MARCHF3: variants seen among roughly 807,000 people sequenced by gnomAD.
MARCHF3 encodes E3 ubiquitin-protein ligase MARCHF3.
MARCHF3 carries 13 observed loss-of-function variants against 24.2 expected under a neutral mutation model. The ratio of observed to expected loss-of-function variants is 0.54; its 90% CI spans 0.35 to 0.85. The LOEUF (loss-of-function observed/expected upper bound fraction) is 0.85. MARCHF3 is among the 40% of genes least tolerant of loss of function. MARCHF3 has a pLI of 0.01. For missense variants in MARCHF3, 276 were observed against 325.0 expected (o/e 0.85, Z 1.16); for synonymous variants, 144 against 137.3 (o/e 1.05, Z -0.34).
At chr5:127,023,730 CAAAAAATA>C (rs1335470195) in intron 1 of MARCHF3, among the ~76,000 whole-genome samples, 6 of 120,786 alleles carry the variant, frequency 5.0e-5, no homozygotes, top group East Asian at 5.2e-4. Context: ...GATTCTGTCT[CAAAAAATA>C]AATAAATAAA....
At chr5:126,973,724 T>C (rs922045298) in intron 1 of MARCHF3, among the ~76,000 whole-genome samples, 2 of 152,244 alleles carry the variant, frequency 1.3e-5, no homozygotes, top group African/African-American at 4.8e-5. Context: ...GTTATCCGTA[T>C]TAGTAAGAAC....
intron 4 of MARCHF3, among the ~76,000 whole-genome samples, chr5:126,876,292 C>T (rs1472710788): frequency 6.6e-6 from 1 of 152,252 alleles, no homozygotes; most frequent in Non-Finnish European, 1.5e-5. Context: ...AAGCTCACTT[C>T]ATCCATCCTT....
At chr5:126,951,651 T>C (rs1400351252) in intron 1 of MARCHF3, among the ~76,000 whole-genome samples, 1 of 152,210 alleles carries the variant, frequency 6.6e-6, no homozygotes, top group East Asian at 1.9e-4. Context: ...TCAAATCATT[T>C]TGAGCCCATT....
In MARCHF3 at chr5:126,869,351, AGC is replaced by A. The variant is rs1752882768; in HGVS notation, c.*1280_*1281del. ...GGGAGCCTGAGAGTCAACCCCAGCC[AGC>A]GCTCTCCTCAGAAGACATCCGCTCC... On this transcript the variant is annotated 3_prime_UTR_variant, in exon 5 of 5. Transcript: ENST00000308660. 2 of 152,204 alleles carry A rather than the reference AGC, an allele frequency of 1.3e-5. No individual in the cohort carries two copies. The highest frequency in any genetic ancestry group is 4.8e-5 in the African/African-American group (2 of 41,456). The allele number at this position is 152,204 out of a possible 1,614,324, so 9.4% of individuals were successfully genotyped here. A position where few individuals can be genotyped will look rare whatever the true frequency, so the allele number is the denominator to read the frequency against.
chr5:127,014,606 A>G (rs1752576082), intron 1 of MARCHF3, among the ~76,000 whole-genome samples: 1 of 152,252 alleles, frequency 6.6e-6, no homozygotes, highest in African/African-American at 2.4e-5. Flanking sequence ...TATATACACA[A>G]TGGAATACTA....
At chr5:127,010,343 A>G (rs141482838) in intron 1 of MARCHF3, among the ~76,000 whole-genome samples, 1 of 152,334 alleles carries the variant, frequency 6.6e-6, no homozygotes, top group East Asian at 1.9e-4. Flanking sequence ...GCAAAAAAGT[A>G]TTTTGTACAC....
chr5:126,895,356 A>C (rs181551209), intron 3 of MARCHF3, among the ~76,000 whole-genome samples: 5,690 of 152,216 alleles, frequency 0.037, 174 homozygotes, highest in Non-Finnish European at 0.061. Context: ...CTGGTGAGGA[A>C]CTGCGTTCCT....
At chr5:127,019,501 A>G (rs1348666205) in intron 1 of MARCHF3, among the ~76,000 whole-genome samples, 1 of 152,250 alleles carries the variant, frequency 6.6e-6, no homozygotes, top group African/African-American at 2.4e-5. Flanking sequence ...GTCCTCTGGG[A>G]TTCTTCTTAG....
At chr5:126,893,747 T>C (rs1280229505) in intron 3 of MARCHF3, among the ~76,000 whole-genome samples, 1 of 119,340 alleles carries the variant, frequency 8.4e-6, no homozygotes, top group African/African-American at 3.4e-5. Context: ...GGTGTGGTGC[T>C]GAAAAAAATG....
intron 1 of MARCHF3, among the ~76,000 whole-genome samples, chr5:126,922,508 T>C (rs1749141352): frequency 7.3e-6 from 1 of 137,034 alleles, no homozygotes; most frequent in Non-Finnish European, 1.6e-5. Flanking sequence ...ATCTCATTTC[T>C]GTCTTTTATT....
intron 3 of MARCHF3, among the ~76,000 whole-genome samples, chr5:126,890,620 T>C (rs182544683): frequency 1.2e-3 from 186 of 152,132 alleles, no homozygotes; most frequent in African/African-American, 4.3e-3. Context: ...CATGAACTCA[T>C]CATTTTTTAT....
intron 1 of MARCHF3, among the ~76,000 whole-genome samples, chr5:126,944,088 G>A (rs1749926092): frequency 2.0e-5 from 3 of 151,960 alleles, no homozygotes; most frequent in Non-Finnish European, 4.4e-5. Context: ...GGGATTACAA[G>A]CGTGAGCCAC....
At chr5:126,983,787 G>A (rs1180834995) in intron 1 of MARCHF3, among the ~76,000 whole-genome samples, 3 of 152,178 alleles carry the variant, frequency 2.0e-5, no homozygotes, top group Non-Finnish European at 2.9e-5. Context: ...TCTCAGAAGA[G>A]GCCTATACCA....
intron 1 of MARCHF3, among the ~76,000 whole-genome samples, chr5:126,966,341 C>T (rs1393437885): frequency 6.6e-6 from 1 of 152,096 alleles, no homozygotes; most frequent in Non-Finnish European, 1.5e-5. Context: ...TAAATTATAT[C>T]TCAATAAAGT....
chr5:126,900,540 C>G (rs1351265869), intron 3 of MARCHF3, among the ~76,000 whole-genome samples: 1 of 152,008 alleles, frequency 6.6e-6, no homozygotes, highest in Non-Finnish European at 1.5e-5. Context: ...TGTCGGCACC[C>G]TGACCTTGGA....
chr5:126,875,098 T>C (rs1753103967), intron 4 of MARCHF3, among the ~76,000 whole-genome samples: 1 of 152,074 alleles, frequency 6.6e-6, no homozygotes, highest in South Asian at 2.1e-4. Context: ...TTACCGACAA[T>C]TTCTTCATGT....
rs1750608167 is a variant in MARCHF3 at position 126,960,595 on chromosome 5, TA to T, written c.-56-42369del. Reference sequence around the variant, plus strand: ...GTGAACATTTTTTGTAAAATGAATCTAAGATCTTCCTGATCTGCCTGCCTCC... The same window carrying T: ...GTGAACATTTTTTGTAAAATGAATCTAGATCTTCCTGATCTGCCTGCCTCC... On this transcript the variant is annotated intron_variant, in intron 1 of 4. Coordinates refer to ENST00000308660, the MANE Select transcript of MARCHF3 (RefSeq NM_178450.5). Among the ~76,000 whole-genome samples the T allele has an allele frequency of 3.3e-5, 5 of 152,240 alleles. No homozygotes were observed. In the South Asian group the frequency reaches 1.0e-3, roughly 32 times the overall value.
chr5:126,988,307 G>A (rs1055126857), intron 1 of MARCHF3, among the ~76,000 whole-genome samples: 1 of 152,210 alleles, frequency 6.6e-6, no homozygotes, highest in Admixed American at 6.5e-5. Flanking sequence ...CAGGAAACCG[G>A]ATCTACATAT....
At chr5:126,911,504 G>A (rs1289438705) in intron 3 of MARCHF3, among the ~76,000 whole-genome samples, 1 of 152,174 alleles carries the variant, frequency 6.6e-6, no homozygotes, top group Non-Finnish European at 1.5e-5. Context: ...TCTACATTTT[G>A]AATGCTTTTC....
Sources: gnomAD v4.1 joint callset for allele counts (sites outside exome capture counted in the v4.1 genomes callset) on GRCh38, gnomAD v4.1.1 for gene constraint, MANE v1.5 for transcripts, NCBI Gene and HGNC (gene_info 2026-07-23, HGNC 2026-07-21) for gene names.